Variants in THSD7B observed in about 807,000 individuals in gnomAD.
The protein encoded by THSD7B is thrombospondin type-1 domain-containing protein 7B.
In THSD7B, 138 loss-of-function variants were observed where a neutral mutation model predicts 213.6. That is an observed-to-expected ratio of 0.65 (90% CI 0.56 to 0.74). The LOEUF (loss-of-function observed/expected upper bound fraction) is 0.74, where lower values mean the gene tolerates loss of function less well. Among genes scored for constraint, THSD7B ranks in the 30% least tolerant of loss-of-function variants. The probability of loss-of-function intolerance (pLI) is 0.00; values close to 1 mark genes in which losing one functional copy is unlikely to be tolerated. For synonymous variants in THSD7B, 742 were observed against 687.0 expected (o/e 1.08, Z -1.25); for missense variants, 1,931 against 1,991.5 (o/e 0.97, Z 0.58).
rs772837338 is a variant in THSD7B at position 137,411,612 on chromosome 2, A to G, written c.2699A>G (p.Lys900Arg). 1 of 1,609,766 alleles carries G rather than the reference A, an allele frequency of 6.2e-7. No individual in the cohort carries two copies. The highest frequency in any genetic ancestry group is 2.2e-5 in the East Asian group (1 of 44,808). The change falls in exon 14 of 28, where the codon AAA becomes AGA. Residue 900 changes from lysine (K) to arginine (R), a missense_variant. Lys to Arg is a conservative substitution (Grantham distance 26). Coordinates refer to ENST00000409968, the MANE Select transcript of THSD7B (RefSeq NM_001316349.2). ...TTAATGTCTCTTGTTGGAACAGGGAAAAGCAGAAAGAAGGAGAAATGCCAG... is the reference window on the plus strand; with the variant it reads ...TTAATGTCTCTTGTTGGAACAGGGAGAAGCAGAAAGAAGGAGAAATGCCAG... The part of the protein sequence containing the change: ...TKSRRRQLTG[K>R]SRKKEKCQDS...
Position 137,312,715 on chromosome 2 carries a change from C to G in THSD7B, c.2500+36689C>G, listed in dbSNP as rs866867060. On this transcript the variant is annotated intron_variant, in intron 12 of 27. Coordinates refer to ENST00000409968, the MANE Select transcript of THSD7B (RefSeq NM_001316349.2). ...GATTCTGGTATGTTGTGTCTTTGTT[C>G]TCGTTGGTTTCAAAGAACATCTTTA... is the stretch of plus-strand genomic sequence containing the variant. Among the ~76,000 whole-genome samples, 108 of 147,276 alleles carry G rather than the reference C, an allele frequency of 7.3e-4. 1 individual carries two copies. In the South Asian group the frequency reaches 7.4e-3, roughly 10 times the overall value.
At chr2:136,935,980 A>G (rs777662387) in intron 2 of THSD7B, among the ~76,000 whole-genome samples, 6 of 147,960 alleles carry the variant, frequency 4.1e-5, no homozygotes, top group Admixed American at 2.0e-4. Flanking sequence ...TATATTATCT[A>G]TATATTTTAA....
At chr2:137,093,630 A>AATGT (rs1338414308) in intron 3 of THSD7B, among the ~76,000 whole-genome samples, 2 of 152,160 alleles carry the variant, frequency 1.3e-5, no homozygotes, top group African/African-American at 4.8e-5. Context: ...ATCTTTTAAA[A>AATGT]ATGTAGCTCA....
At chr2:137,487,240 C>T (rs1220425276) in intron 15 of THSD7B, among the ~76,000 whole-genome samples, 7 of 147,474 alleles carry the variant, frequency 4.7e-5, no homozygotes, top group Admixed American at 6.7e-5. Context: ...CAGTGGCGGG[C>T]GCCTGTAGTC....
chr2:137,074,190 A>C (rs1234895221), intron 3 of THSD7B, among the ~76,000 whole-genome samples: 3 of 151,726 alleles, frequency 2.0e-5, no homozygotes, highest in African/African-American at 7.3e-5. Flanking sequence ...TGGGGTGTTA[A>C]AGTCTCCCAT....
At chr2:137,572,599 G>T (rs149829777) in intron 17 of THSD7B, 43 bp downstream of exon 17, 31 of 1,607,472 alleles carry the variant, frequency 1.9e-5, no homozygotes, top group Admixed American at 8.4e-5. Context: ...ATCTATTGTT[G>T]CCTTCACTGT....
In THSD7B at chr2:137,330,499, C is replaced by T. The variant is rs149963540; in HGVS notation, c.2500+54473C>T. Among the ~76,000 whole-genome samples the T allele has an allele frequency of 2.0e-3, 305 of 152,258 alleles. 5 individuals are homozygous for T. Among genetic ancestry groups the T allele is most frequent in the African/African-American group, 5.1e-3 (211 of 41,534 alleles). ...AAGGTGGCACGTCTGGAGTTTATTC[C>T]TTCTGATGTTCGGATATGCTAGGAG... On this transcript the variant is annotated intron_variant, in intron 12 of 27. Transcript: ENST00000409968.
At chr2:137,510,545 T>TA (rs1679940271) in intron 15 of THSD7B, among the ~76,000 whole-genome samples, 1 of 152,166 alleles carries the variant, frequency 6.6e-6, no homozygotes, top group Admixed American at 6.5e-5. Context: ...ACACCATACT[T>TA]ACCATTTCTG....
intron 2 of THSD7B, among the ~76,000 whole-genome samples, chr2:137,019,752 G>C (rs1430374179): frequency 6.6e-6 from 1 of 152,064 alleles, no homozygotes; most frequent in African/African-American, 2.4e-5. Context: ...AGTCTCCTTA[G>C]AGACTAGCTC....
chr2:137,453,844 T>C (rs564187871), intron 15 of THSD7B, among the ~76,000 whole-genome samples: 1 of 152,338 alleles, frequency 6.6e-6, no homozygotes, highest in East Asian at 1.9e-4. Context: ...ATTCCACATG[T>C]AAGTGAAAAC....
At position 136,765,639 on chromosome 2, in the gene THSD7B, CG is replaced by C. The variant is rs943315051; in HGVS notation, c.-80del. Reference sequence around the variant, plus strand: ...CCATCTTTCTTGCGCTCGGGAAGCTCGGGGCTCAGCGGCTCCCAGAGGTTAC... The same window carrying C: ...CCATCTTTCTTGCGCTCGGGAAGCTCGGGCTCAGCGGCTCCCAGAGGTTAC... On this transcript the variant is annotated 5_prime_UTR_variant, in exon 1 of 28. An upstream open reading frame in the 5' UTR loses its in-frame stop. Coordinates refer to ENST00000409968, the MANE Select transcript of THSD7B (RefSeq NM_001316349.2). The C allele has an allele frequency of 2.6e-4, 39 of 148,796 alleles. No homozygotes were observed. The highest frequency in any genetic ancestry group is 1.0e-4 in the Non-Finnish European group (7 of 67,448). 9.2% of individuals were successfully genotyped at this position (148,796 alleles called of 1,614,324 possible).
At position 136,993,858 on chromosome 2, in the gene THSD7B, AAGAC is replaced by A. The variant is rs1436936485; in HGVS notation, c.140-62558_140-62555del. Among the ~76,000 whole-genome samples the A allele has an allele frequency of 3.9e-5, 6 of 152,340 alleles. No homozygotes were observed. The South Asian group carries it at 1.0e-3, about 26-fold the overall frequency. On this transcript the variant is annotated intron_variant, in intron 2 of 27. Coordinates refer to ENST00000409968, the MANE Select transcript of THSD7B (RefSeq NM_001316349.2). ...TGTCTGCGTGCATGTGTGTGCATGA[AAGAC>A]AGAAGGGGAGACAAAGAATCACCTG...
chr2:136,778,753 T>C (rs1376914233), intron 1 of THSD7B, among the ~76,000 whole-genome samples: 1 of 152,010 alleles, frequency 6.6e-6, no homozygotes, highest in African/African-American at 2.4e-5. Flanking sequence ...GTTCAAGAGA[T>C]AGAAGAGAAT....
chr2:137,147,991 G>A (rs1403956576), intron 5 of THSD7B, among the ~76,000 whole-genome samples: 1 of 152,000 alleles, frequency 6.6e-6, no homozygotes, highest in East Asian at 1.9e-4. Flanking sequence ...TTATAGTGAT[G>A]TTAGGTGCTT....
At chr2:136,944,469 A>G (rs970505471) in intron 2 of THSD7B, among the ~76,000 whole-genome samples, 2 of 152,032 alleles carry the variant, frequency 1.3e-5, no homozygotes, top group African/African-American at 4.8e-5. Flanking sequence ...TCTGTCTAAT[A>G]TTGACAGTGG....
chr2:136,872,332 C>T (rs956180690), intron 1 of THSD7B, among the ~76,000 whole-genome samples: 1 of 129,318 alleles, frequency 7.7e-6, no homozygotes, highest in Non-Finnish European at 1.5e-5. Flanking sequence ...CCAGGTGTTG[C>T]CTCTGTGATC....
At chr2:136,952,434 C>CTTTCT (rs1685052151) in intron 2 of THSD7B, among the ~76,000 whole-genome samples, 1 of 125,614 alleles carries the variant, frequency 8.0e-6, no homozygotes, top group Non-Finnish European at 1.6e-5. Context: ...GGGCAGAAAA[C>CTTTCT]TTTTTTTTTT....
chr2:137,659,665 A>G lies in THSD7B; in HGVS notation c.4377A>G (p.Gly1459=). 4 of 1,596,494 alleles carry G rather than the reference A, an allele frequency of 2.5e-6. No homozygotes were observed. The highest frequency in any genetic ancestry group is 3.4e-6 in the Non-Finnish European group (4 of 1,171,354). ...ATGATGGTGGAATTTCCTTTGCAGG[A>G]GGCTGCTCCCCTCAGGCCCGTCCTG... ...CQRSDGVNVT[G]GCSPQARPAA... is the part of the protein sequence containing the mutation. Residue 1459 remains glycine (G), a splice_region_variant and synonymous_variant, in exon 25 of 28, where the codon GGA becomes GGG. Transcript: ENST00000409968.
chr2:137,316,691 G>T (rs1392560648), intron 12 of THSD7B, among the ~76,000 whole-genome samples: 1 of 151,304 alleles, frequency 6.6e-6, no homozygotes, highest in Non-Finnish European at 1.5e-5. Context: ...CCTGGAGGCG[G>T]AGCTTGCAGT....
Sources: gnomAD v4.1 joint callset for allele counts (sites outside exome capture counted in the v4.1 genomes callset) on GRCh38, gnomAD v4.1.1 for gene constraint, MANE v1.5 for transcripts, NCBI Gene and HGNC (gene_info 2026-07-23, HGNC 2026-07-21) for gene names.